The following GBF1 variants were observed in gnomAD, a reference collection of about 807,000 sequenced individuals.
The protein encoded by GBF1 is golgi brefeldin A resistant guanine nucleotide exchange factor 1, also known as Golgi-specific brefeldin A-resistance guanine nucleotide exchange factor 1.
Under a neutral mutation model 210.5 loss-of-function variants are expected in GBF1, and 114 were observed. The ratio of observed to expected loss-of-function variants is 0.54; its 90% CI spans 0.47 to 0.63. The LOEUF is 0.63. Ranked by LOEUF, GBF1 falls within the 30% of genes least tolerant of loss-of-function variation. The pLI, the probability that GBF1 is intolerant of heterozygous loss-of-function variation, is 0.00. For missense variants in GBF1, 1,851 were observed against 2,357.7 expected, an observed-to-expected ratio of 0.79 and a Z score of 4.45; for synonymous variants, 850 against 889.2, an observed-to-expected ratio of 0.96 and a Z score of 0.78.
intron 17 of GBF1, among the ~76,000 whole-genome samples, chr10:102,364,483 C>T (rs2135112478): frequency 6.6e-6 from 1 of 151,116 alleles, no homozygotes; most frequent in African/African-American, 2.4e-5. Flanking sequence ...CTTGGCCTCC[C>T]AAAGTGCTGG....
At chr10:102,343,583 C>T (rs1169867451) in intron 3 of GBF1, among the ~76,000 whole-genome samples, 1 of 152,024 alleles carries the variant, frequency 6.6e-6, no homozygotes, top group African/African-American at 2.4e-5. Context: ...TTTGGGAGGG[C>T]AAGGCAGGGA....
Position 102,363,645 on chromosome 10 carries a change from A to G in GBF1, c.2018-65A>G. On this transcript the variant is annotated intron_variant, in intron 16 of 39. Coordinates refer to ENST00000369983, the MANE Select transcript of GBF1 (RefSeq NM_001377137.1). This position sits in a 1 kb window ranked among gnomAD's most constrained non-coding sequence, Gnocchi z 4.2. ...CTGGGGAGTATATTGGTGACCTTCC[A>G]AAAGTCCTTATCTGGGTAAAAAAAG... is the stretch of plus-strand genomic sequence containing the variant. 1 of 1,110,222 alleles carries G rather than the reference A, an allele frequency of 9.0e-7. No homozygotes were observed. The highest frequency in any genetic ancestry group is 1.4e-6 in the Non-Finnish European group (1 of 724,374). The allele number at this position is 1,110,222 out of a possible 1,614,324, so 68.8% of individuals were successfully genotyped here.
the GBF1 span, among the ~76,000 whole-genome samples, chr10:102,233,220 T>C: frequency 3.3e-5 from 5 of 152,108 alleles, no homozygotes; most frequent in Admixed American, 1.3e-4. Context: ...GGTTCTAGCC[T>C]GGCCTTGCTT....
At chr10:102,292,429 G>A (rs988059290) in intron 3 of GBF1, among the ~76,000 whole-genome samples, 6 of 152,246 alleles carry the variant, frequency 3.9e-5, no homozygotes, top group Admixed American at 2.6e-4. Context: ...TTGCACAATC[G>A]TGCAATACTT....
chr10:102,249,785 G>A (rs1404209954), intron 1 of GBF1, among the ~76,000 whole-genome samples: 3 of 151,200 alleles, frequency 2.0e-5, no homozygotes, highest in Non-Finnish European at 4.4e-5. Flanking sequence ...TCCGCCTCCT[G>A]GGTTCAAGCA....
At chr10:102,231,916 G>T in the GBF1 span, 1 of 1,564,860 alleles carries the variant, frequency 6.4e-7, no homozygotes, top group Non-Finnish European at 8.8e-7. Context: ...ACCCGCACTG[G>T]GGATGAAGCT....
intron 3 of GBF1, among the ~76,000 whole-genome samples, chr10:102,279,286 T>G (rs2133422565): frequency 6.6e-6 from 1 of 152,346 alleles, no homozygotes; most frequent in East Asian, 1.9e-4. Context: ...CATCACCCAG[T>G]GGAATTTGTT....
At chr10:102,255,248 C>CCAGGCTGGT (rs1029138732) in intron 1 of GBF1, among the ~76,000 whole-genome samples, 61 of 152,108 alleles carry the variant, frequency 4.0e-4, no homozygotes, top group Non-Finnish European at 7.6e-4. Flanking sequence ...ACCATGTTGG[C>CCAGGCTGGT]CAGGCTGGTC....
At chr10:102,343,954 C>A in intron 3 of GBF1, 97 bp from the exon 4 acceptor site, 1 of 902,088 alleles carries the variant, frequency 1.1e-6, no homozygotes, top group Non-Finnish European at 1.8e-6. Context: ...GACCCAACAA[C>A]AAAGACCTCT....
At chr10:102,347,319 G>A (rs1345866726) in intron 4 of GBF1, among the ~76,000 whole-genome samples, 1 of 152,218 alleles carries the variant, frequency 6.6e-6, no homozygotes, top group Non-Finnish European at 1.5e-5. Context: ...CTGAACAGGT[G>A]CATCAGCCTC....
At position 102,361,897 on chromosome 10, in the gene GBF1, A is replaced by C; in HGVS notation, c.1671A>C (p.Thr557=). The C allele has an allele frequency of 6.2e-7, 1 of 1,604,440 alleles. No homozygotes were observed. The change falls in exon 14 of 40, where the codon ACA becomes ACC. Residue 557 remains threonine (T), a synonymous_variant. Transcript: ENST00000369983. ...GTTCCAACCTCTTTGAGGAACTCAC[A>C]AAGCTGCTGTCCAAGGTGCTGAGCA... ...YYCSNLFEEL[T]KLLSKNAFPV...
At chr10:102,323,196 G>A (rs78531123) in intron 3 of GBF1, among the ~76,000 whole-genome samples, 5,891 of 145,932 alleles carry the variant, frequency 0.04, 178 homozygotes, top group Non-Finnish European at 0.06. Flanking sequence ...TCTCCTGCAG[G>A]GTAGCTTAGA....
At position 102,357,506 on chromosome 10, in the gene GBF1, T is replaced by C. The variant is rs2059361787; in HGVS notation, c.640-533T>C. ...CATCTCAAAAAAAAAAAAAAAAATA[T>C]GTTTATGGCTTAGGCCCAGCTCACA... On this transcript the variant is annotated intron_variant, in intron 8 of 39. Coordinates refer to ENST00000369983, the MANE Select transcript of GBF1 (RefSeq NM_001377137.1). Among the ~76,000 whole-genome samples the C allele has an allele frequency of 2.7e-5, 4 of 149,674 alleles. No homozygotes were observed. The South Asian group carries it at 6.3e-4, about 24-fold the overall frequency.
intron 3 of GBF1, among the ~76,000 whole-genome samples, chr10:102,331,490 A>G (rs534340317): frequency 9.2e-5 from 14 of 152,086 alleles, no homozygotes; most frequent in Non-Finnish European, 1.9e-4. Context: ...TTCATTAAAA[A>G]AAACAGATTG....
chr10:102,379,198 CTTAG>C (rs1208796313), intron 33 of GBF1, 82 bp from the exon 34 acceptor site: 13 of 1,313,716 alleles, frequency 9.9e-6, no homozygotes, highest in South Asian at 5.3e-5. Flanking sequence ...ACCTTGAGGA[CTTAG>C]TTAGGGACAG....
chr10:102,300,976 CTTTTTT>C (rs11413620), intron 3 of GBF1, among the ~76,000 whole-genome samples: 4 of 136,272 alleles, frequency 2.9e-5, no homozygotes, highest in African/African-American at 8.2e-5. Flanking sequence ...ATTTTCTTTT[CTTTTTT>C]TTTTTTTTTT....
At chr10:102,280,476 G>A (rs2075387722) in intron 3 of GBF1, among the ~76,000 whole-genome samples, 1 of 152,140 alleles carries the variant, frequency 6.6e-6, no homozygotes, top group Non-Finnish European at 1.5e-5. Context: ...AGTGGGTTGG[G>A]TAGGAAGAGG....
At chr10:102,244,524 C>A (rs2070660561), upstream of GBF1, among the ~76,000 whole-genome samples, 1 of 152,182 alleles carries the variant, frequency 6.6e-6, no homozygotes, top group Admixed American at 6.5e-5. Flanking sequence ...CAGCTGGGGG[C>A]AAGACAGTGA....
chr10:102,285,093 A>G (rs1300031656), intron 3 of GBF1, among the ~76,000 whole-genome samples: 5 of 152,240 alleles, frequency 3.3e-5, no homozygotes, highest in African/African-American at 1.2e-4. Context: ...TAGCTTTTAT[A>G]CTAAAGGATT....
Sources: gnomAD v4.1 joint callset for allele counts (sites outside exome capture counted in the v4.1 genomes callset) on GRCh38, gnomAD v4.1.1 for gene constraint, Gnocchi (gnomAD v3.1) non-coding constraint, MANE v1.5 for transcripts, NCBI Gene and HGNC (gene_info 2026-07-23, HGNC 2026-07-21) for gene names.